Variants in DIAPH2 observed in about 807,000 individuals in gnomAD.
The protein encoded by DIAPH2 is diaphanous related formin 2, also known as protein diaphanous homolog 2.
Under a neutral mutation model 92.7 loss-of-function variants are expected in DIAPH2, and 35 were observed. The observed-to-expected ratio is 0.38, with a 90% CI of 0.29 to 0.50. The LOEUF (loss-of-function observed/expected upper bound fraction) is 0.50. DIAPH2 is among the 20% of genes least tolerant of loss of function. DIAPH2 has a pLI of 0.94. For missense variants in DIAPH2, 701 were observed against 819.5 expected, an observed-to-expected ratio of 0.86 and a Z score of 1.77; for synonymous variants, 301 against 280.4, an observed-to-expected ratio of 1.07 and a Z score of -0.73.
intron 22 of DIAPH2, among the ~76,000 whole-genome samples, chrX:97,170,286 GC>G (rs199531759): frequency 0.09 from 9,990 of 111,282 alleles, 478 homozygotes; most frequent in Non-Finnish European, 0.14. Context: ...AAGGGAAGGG[GC>G]CTGGTGTGTG....
chrX:97,111,792 G>A (rs1334179896), intron 20 of DIAPH2, among the ~76,000 whole-genome samples: 1 of 111,703 alleles, frequency 9.0e-6, no homozygotes, highest in African/African-American at 3.3e-5. Flanking sequence ...GGGGTCTGTA[G>A]CCCAAAGGCC....
intron 19 of DIAPH2, among the ~76,000 whole-genome samples, chrX:97,084,822 C>T (rs2066772199): frequency 2.7e-5 from 3 of 111,143 alleles, no homozygotes; most frequent in Admixed American, 9.6e-5. Context: ...AATGAGGACT[C>T]CAGAATGCCA....
chrX:96,852,932 T>C (rs777421910), intron 4 of DIAPH2, among the ~76,000 whole-genome samples: 1 of 111,651 alleles, frequency 9.0e-6, no homozygotes, highest in Non-Finnish European at 1.9e-5. Flanking sequence ...GGTGCCCTAT[T>C]AATTAAGTCT....
chrX:97,452,600 AT>A (rs1215118308), intron 26 of DIAPH2, among the ~76,000 whole-genome samples: 2 of 112,070 alleles, frequency 1.8e-5, no homozygotes, highest in East Asian at 5.6e-4. Flanking sequence ...GTGAAAAGGA[AT>A]TGTACCACAT....
intron 26 of DIAPH2, chrX:97,449,715 G>A (rs1462411632): frequency 2.7e-6 from 2 of 728,217 alleles, no homozygotes; most frequent in African/African-American, 4.7e-5. Context: ...AGTGAGAGCT[G>A]CAGCCAAAGG....
chrX:97,404,059 G>T (rs754642383), intron 25 of DIAPH2, among the ~76,000 whole-genome samples: 66 of 109,654 alleles, frequency 6.0e-4, no homozygotes, highest in Non-Finnish European at 8.7e-4. Flanking sequence ...CTCCATGTTG[G>T]TCAGGCTGGT....
intron 16 of DIAPH2, among the ~76,000 whole-genome samples, chrX:96,962,490 C>CATATATATAT (rs1184858557): frequency 2.0e-5 from 1 of 48,938 alleles, no homozygotes; most frequent in African/African-American, 1.2e-4. Context: ...CACACACACA[C>CATATATATAT]ACACACATAT....
At chrX:97,352,713 C>T (rs2069228575) in intron 24 of DIAPH2, among the ~76,000 whole-genome samples, 1 of 105,887 alleles carries the variant, frequency 9.4e-6, no homozygotes, top group South Asian at 4.2e-4. Flanking sequence ...ACTAAAAATA[C>T]AAAAAAATTA....
At chrX:97,280,836 C>T (rs1385810728) in intron 23 of DIAPH2, among the ~76,000 whole-genome samples, 1 of 111,588 alleles carries the variant, frequency 9.0e-6, no homozygotes. Flanking sequence ...TATAAATATG[C>T]AGTGCACTTC....
At chrX:96,733,984 A>G (rs1385139039) in intron 1 of DIAPH2, among the ~76,000 whole-genome samples, 1 of 111,967 alleles carries the variant, frequency 8.9e-6, no homozygotes, top group Non-Finnish European at 1.9e-5. Flanking sequence ...GTGGTTTACT[A>G]TAGATAAAAA....
At chrX:97,417,850 A>G (rs1338561154) in intron 25 of DIAPH2, among the ~76,000 whole-genome samples, 3 of 109,878 alleles carry the variant, frequency 2.7e-5, no homozygotes, top group African/African-American at 9.9e-5. Context: ...TTCTCCATAC[A>G]TACATACCTA....
At chrX:96,809,809 T>G (rs1294574869) in intron 4 of DIAPH2, among the ~76,000 whole-genome samples, 6 of 111,738 alleles carry the variant, frequency 5.4e-5, no homozygotes, top group African/African-American at 2.0e-4. Context: ...AGAATGATGG[T>G]TTCCAGCTTC....
At chrX:97,348,015 T>G in intron 23 of DIAPH2, 101 bp from the exon 24 acceptor site, 1 of 799,190 alleles carries the variant, frequency 1.3e-6, no homozygotes, top group Non-Finnish European at 1.8e-6. Context: ...TGTGCATTAC[T>G]AATGTATTTA....
chrX:97,419,694 G>A (rs912997351), intron 25 of DIAPH2, among the ~76,000 whole-genome samples: 3 of 111,400 alleles, frequency 2.7e-5, no homozygotes, highest in African/African-American at 9.8e-5. Context: ...ATAGGTTGGT[G>A]TGGAAATTTC....
intron 3 of DIAPH2, among the ~76,000 whole-genome samples, chrX:96,743,877 A>G (rs972828824): frequency 1.4e-4 from 16 of 112,268 alleles, no homozygotes; most frequent in African/African-American, 5.2e-4. Flanking sequence ...GGTAATGCAC[A>G]TATTAATTAG....
intron 26 of DIAPH2, among the ~76,000 whole-genome samples, chrX:97,503,138 T>C (rs147762756): frequency 8.4e-4 from 94 of 112,210 alleles, no homozygotes; most frequent in African/African-American, 3.0e-3. Flanking sequence ...AAGCACAAAG[T>C]AGAAGTAGCA....
In DIAPH2 at chrX:97,465,908, G is replaced by A. The variant is rs771839263; in HGVS notation, c.3241+36163G>A. On this transcript the variant is annotated intron_variant, in intron 26 of 26. Transcript: ENST00000324765. ...TCACCATGTTGGTCAGGCTGGTCTC[G>A]AACTCCTGACCTCAGGTGATCCACC... Among the ~76,000 whole-genome samples the A allele has an allele frequency of 2.1e-4, 23 of 111,210 alleles. 1 individual carries two copies. Among genetic ancestry groups the A allele is most frequent in the East Asian group, 2.8e-4 (1 of 3,528 alleles).
chrX:97,310,501 A>G (rs2068784334), intron 23 of DIAPH2, among the ~76,000 whole-genome samples: 1 of 112,018 alleles, frequency 8.9e-6, no homozygotes, highest in Non-Finnish European at 1.9e-5. Context: ...AAGGATCTAA[A>G]GAAAGTTAAG....
At chrX:96,784,455 A>G (rs2064440661) in intron 4 of DIAPH2, among the ~76,000 whole-genome samples, 1 of 111,760 alleles carries the variant, frequency 8.9e-6, no homozygotes, top group Non-Finnish European at 1.9e-5. Context: ...TACTTTAGGA[A>G]AAGGTTCCTC....
Sources: gnomAD v4.1 joint callset for allele counts (sites outside exome capture counted in the v4.1 genomes callset) on GRCh38, gnomAD v4.1.1 for gene constraint, MANE v1.5 for transcripts, NCBI Gene and HGNC (gene_info 2026-07-23, HGNC 2026-07-21) for gene names.